Variants in CCNY observed in about 807,000 individuals in gnomAD.
CCNY encodes the protein cyclin-Y.
CCNY carries 19 observed loss-of-function variants against 42.8 expected under a neutral mutation model. That is an observed-to-expected ratio of 0.44 (90% CI 0.31 to 0.65). The LOEUF is 0.65. Among genes scored for constraint, CCNY ranks in the 30% least tolerant of loss-of-function variants. The pLI, the probability that CCNY is intolerant of heterozygous loss-of-function variation, is 0.07. For missense variants in CCNY, 370 were observed against 437.3 expected (o/e 0.85, Z 1.37); for synonymous variants, 165 against 162.7 (o/e 1.01, Z -0.11).
chr10:35,335,920 A>AT (rs1836014749), upstream of CCNY: 2 of 150,308 alleles, frequency 1.3e-5, no homozygotes, highest in African/African-American at 5.0e-5. Flanking sequence ...ACACACACAC[A>AT]CACACACCTT....
At chr10:35,334,215 C>T (rs1309616058), upstream of CCNY, among the ~76,000 whole-genome samples, 1 of 152,144 alleles carries the variant, frequency 6.6e-6, no homozygotes, top group Non-Finnish European at 1.5e-5. Context: ...CACCTTAGTG[C>T]CACTGTCTCT....
At chr10:35,477,551 A>G (rs577350538) in intron 1 of CCNY, among the ~76,000 whole-genome samples, 2 of 152,204 alleles carry the variant, frequency 1.3e-5, no homozygotes, top group South Asian at 4.2e-4. Flanking sequence ...TGATTATCTC[A>G]ATAGATGCAA....
intron 3 of CCNY, among the ~76,000 whole-genome samples, chr10:35,302,712 C>A (rs1835552794): frequency 6.6e-6 from 1 of 152,110 alleles, no homozygotes; most frequent in Admixed American, 6.6e-5. Flanking sequence ...TGTGGCTGAA[C>A]AATTCAATCT....
intron 1 of CCNY, among the ~76,000 whole-genome samples, chr10:35,418,124 G>A (rs561102072): frequency 2.0e-5 from 3 of 152,186 alleles, no homozygotes; most frequent in Non-Finnish European, 4.4e-5. Context: ...TTTAGTGAAG[G>A]GCTGAGAGTT....
chr10:35,371,620 G>A (rs566600043), intron 1 of CCNY, among the ~76,000 whole-genome samples: 39 of 152,244 alleles, frequency 2.6e-4, no homozygotes, highest in African/African-American at 8.7e-4. Context: ...CAGTTTTAAC[G>A]TGAGGCCTCA....
At chr10:35,502,348 A>G (rs1022242218) in intron 3 of CCNY, among the ~76,000 whole-genome samples, 2 of 152,218 alleles carry the variant, frequency 1.3e-5, no homozygotes, top group Admixed American at 1.3e-4. Flanking sequence ...AGAACCACAC[A>G]AGGGTCTTTC....
intron 1 of CCNY, among the ~76,000 whole-genome samples, chr10:35,338,124 C>T (rs1836091841): frequency 6.6e-6 from 1 of 152,024 alleles, no homozygotes; most frequent in South Asian, 2.1e-4. Context: ...ATTTTTTTAA[C>T]CCAAACATCT....
At chr10:35,543,831 A>G (rs1444444899) in intron 7 of CCNY, among the ~76,000 whole-genome samples, 2 of 152,222 alleles carry the variant, frequency 1.3e-5, no homozygotes, top group African/African-American at 4.8e-5. Context: ...GGGGCAAGAT[A>G]TGGAGGCGGA....
chr10:35,250,374 A>G (rs1011861750), intron 2 of CCNY: 1 of 152,122 alleles, frequency 6.6e-6, no homozygotes, highest in Non-Finnish European at 1.5e-5. Context: ...CAATAAATAA[A>G]TAAATAATAA....
chr10:35,405,854 G>C (rs1837746977), intron 1 of CCNY, among the ~76,000 whole-genome samples: 1 of 152,204 alleles, frequency 6.6e-6, no homozygotes, highest in Middle Eastern at 3.2e-3. Flanking sequence ...AGTTTCCAGT[G>C]GGGTCCTGCA....
At chr10:35,534,954 T>TACACACAC (rs58564724) in intron 7 of CCNY, among the ~76,000 whole-genome samples, 29 of 139,532 alleles carry the variant, frequency 2.1e-4, no homozygotes, top group African/African-American at 7.8e-4. Flanking sequence ...TGGGGATACA[T>TACACACAC]ACACACACAC....
chr10:35,413,237 C>T (rs952281785), intron 1 of CCNY, among the ~76,000 whole-genome samples: 11 of 151,942 alleles, frequency 7.2e-5, no homozygotes, highest in African/African-American at 2.4e-5. Context: ...AGGAAAAGGT[C>T]GGACACATTC....
At chr10:35,345,085 A>G (rs1836270794) in intron 1 of CCNY, among the ~76,000 whole-genome samples, 1 of 152,310 alleles carries the variant, frequency 6.6e-6, no homozygotes, top group Non-Finnish European at 1.5e-5. Flanking sequence ...CTTTGGGTAT[A>G]TACCCAGTAA....
intron 4 of CCNY, among the ~76,000 whole-genome samples, chr10:35,517,724 C>T (rs1840458978): frequency 6.6e-6 from 1 of 152,236 alleles, no homozygotes; most frequent in African/African-American, 2.4e-5. Flanking sequence ...CTTACTTCCT[C>T]AGCACCGGAG....
intron 1 of CCNY, among the ~76,000 whole-genome samples, chr10:35,352,000 G>A (rs907992721): frequency 5.9e-5 from 9 of 152,224 alleles, no homozygotes; most frequent in African/African-American, 1.9e-4. Flanking sequence ...GCTTCTGAGT[G>A]TGTAAGTGAT....
chr10:35,536,064 C>G (rs953800199), intron 7 of CCNY, among the ~76,000 whole-genome samples: 25 of 152,200 alleles, frequency 1.6e-4, no homozygotes, highest in African/African-American at 6.0e-4. Flanking sequence ...CCACCCAAAT[C>G]TCATCTTGAA....
chr10:35,529,263 A>G (rs1840714674), intron 5 of CCNY, among the ~76,000 whole-genome samples: 1 of 152,090 alleles, frequency 6.6e-6, no homozygotes, highest in Non-Finnish European at 1.5e-5. Flanking sequence ...AATCAGACTG[A>G]TCTCTAGGAT....
chr10:35,332,389 G>A (rs112321640), upstream of CCNY: 3 of 152,266 alleles, frequency 2.0e-5, no homozygotes, highest in East Asian at 3.9e-4. Flanking sequence ...TCATGGATAC[G>A]AGTATGGCTG....
At chr10:35,285,685 G>A (rs1244412718) in intron 3 of CCNY, among the ~76,000 whole-genome samples, 1 of 152,172 alleles carries the variant, frequency 6.6e-6, no homozygotes, top group Non-Finnish European at 1.5e-5. Context: ...TGAACTCCTG[G>A]GCTCCTAAAG....
Sources: allele counts gnomAD v4.1 joint callset (sites outside exome capture counted in the v4.1 genomes callset), GRCh38; gene constraint gnomAD v4.1.1; transcripts MANE v1.5; gene names NCBI Gene and HGNC (gene_info 2026-07-23, HGNC 2026-07-21).